Variants in PHACTR3 observed in about 807,000 individuals in gnomAD.
PHACTR3 encodes phosphatase and actin regulator 3, also known as protein phosphatase 1, regulatory subunit 123.
Under a neutral mutation model 66.8 loss-of-function variants are expected in PHACTR3, and 16 were observed. The ratio of observed to expected loss-of-function variants is 0.24; its 90% CI spans 0.16 to 0.36. The LOEUF is 0.36. PHACTR3 is among the 10% of genes least tolerant of loss of function. The probability of loss-of-function intolerance (pLI) is 1.00; values close to 1 mark genes in which losing one functional copy is unlikely to be tolerated. For missense variants in PHACTR3, 647 were observed against 719.9 expected, an observed-to-expected ratio of 0.90 and a Z score of 1.16; for synonymous variants, 323 against 292.1, an observed-to-expected ratio of 1.11 and a Z score of -1.08.
chr20:59,588,168 A>T (rs985946963), intron 1 of PHACTR3, among the ~76,000 whole-genome samples: 3 of 152,182 alleles, frequency 2.0e-5, no homozygotes, highest in African/African-American at 7.2e-5. Context: ...AGTAAAACAG[A>T]CAACCTCTCA....
chr20:59,756,951 CA>C (rs1337084875), intron 4 of PHACTR3, among the ~76,000 whole-genome samples: 1 of 152,156 alleles, frequency 6.6e-6, no homozygotes, highest in Non-Finnish European at 1.5e-5. Context: ...AACATTTTTG[CA>C]ATCTACTCAT....
rs118152790 is a variant in PHACTR3, at chr20:59,773,136, C to T, written c.752-143C>T. The T allele has an allele frequency of 9.7e-3, 8,749 of 898,536 alleles. 88 individuals carry two copies. Among genetic ancestry groups the T allele is most frequent in the South Asian group, 0.035 (2,163 of 61,408 alleles). The allele number at this position is 898,536 out of a possible 1,614,324, so 55.7% of individuals were successfully genotyped here. A position where few individuals can be genotyped will look rare whatever the true frequency, so the allele number is the denominator to read the frequency against. On this transcript the variant is annotated intron_variant, in intron 5 of 12. Coordinates refer to ENST00000371015, the MANE Select transcript of PHACTR3 (RefSeq NM_080672.5). ...CCTCTAGCTTTGGGAGCAGGGATCC[C>T]GGTCCAGCATCTTGGCATTAGTTGG...
intron 7 of PHACTR3, among the ~76,000 whole-genome samples, chr20:59,793,521 T>A (rs1300378626): frequency 1.3e-5 from 2 of 152,200 alleles, no homozygotes; most frequent in Non-Finnish European, 2.9e-5. Context: ...TTTATTCCCA[T>A]TTTACTTTTT....
At chr20:59,744,198 G>A (rs1295690350) in intron 2 of PHACTR3, among the ~76,000 whole-genome samples, 2 of 152,250 alleles carry the variant, frequency 1.3e-5, no homozygotes, top group Non-Finnish European at 2.9e-5. Context: ...CATCGGAAGG[G>A]ATGGGGAACA....
chr20:59,686,962 A>G (rs562692956), intron 1 of PHACTR3, among the ~76,000 whole-genome samples: 3,872 of 142,556 alleles, frequency 0.027, 86 homozygotes, highest in Middle Eastern at 0.058. Context: ...TGTGATGATG[A>G]TGGTGATTGT....
chr20:59,601,340 G>A (rs2033473739), upstream of PHACTR3, among the ~76,000 whole-genome samples: 1 of 152,232 alleles, frequency 6.6e-6, no homozygotes, highest in African/African-American at 2.4e-5. Context: ...CCTACAGTTA[G>A]GATGGACCAC....
chr20:59,742,767 G>A (rs1237920138), intron 1 of PHACTR3, among the ~76,000 whole-genome samples: 1 of 152,216 alleles, frequency 6.6e-6, no homozygotes, highest in Non-Finnish European at 1.5e-5. Context: ...AGGGAGAGCA[G>A]CGTGGGTGGA....
intron 1 of PHACTR3, among the ~76,000 whole-genome samples, chr20:59,654,705 G>A (rs1289788749): frequency 6.6e-6 from 1 of 152,068 alleles, no homozygotes; most frequent in Non-Finnish European, 1.5e-5. Flanking sequence ...ATATGGAAAA[G>A]TCACATCACT....
chr20:59,649,519 G>A (rs368962661), intron 1 of PHACTR3, among the ~76,000 whole-genome samples: 1 of 152,108 alleles, frequency 6.6e-6, no homozygotes, highest in African/African-American at 2.4e-5. Flanking sequence ...TATAAAGGAC[G>A]GTTGGAATTT....
chr20:59,623,987 T>C (rs2034358454), intron 1 of PHACTR3, among the ~76,000 whole-genome samples: 1 of 151,934 alleles, frequency 6.6e-6, no homozygotes, highest in South Asian at 2.1e-4. Context: ...CTGTTTTGGT[T>C]TCCCAAGAGA....
intron 1 of PHACTR3, among the ~76,000 whole-genome samples, chr20:59,669,701 C>T (rs1430748153): frequency 6.6e-6 from 1 of 152,232 alleles, no homozygotes; most frequent in African/African-American, 2.4e-5. Context: ...ATTCTGGACA[C>T]TTCATAGAAA....
intron 1 of PHACTR3, among the ~76,000 whole-genome samples, chr20:59,598,145 G>A (rs1376233743): frequency 3.9e-5 from 6 of 152,150 alleles, no homozygotes; most frequent in Admixed American, 3.9e-4. Flanking sequence ...CCTGTCGAAA[G>A]CCTCCCTGCC....
At chr20:59,628,576 TTC>T (rs752511406) in intron 1 of PHACTR3, 10 of 971,410 alleles carry the variant, frequency 1.0e-5, no homozygotes, top group Non-Finnish European at 1.2e-5. Context: ...GCGAGCCCTG[TTC>T]TCTCCCCGAG....
intron 1 of PHACTR3, among the ~76,000 whole-genome samples, chr20:59,686,424 C>T (rs566457449): frequency 4.6e-5 from 7 of 152,326 alleles, no homozygotes; most frequent in African/African-American, 1.4e-4. Flanking sequence ...AGTCCTGGAA[C>T]AGTGCCAATG....
intron 5 of PHACTR3, among the ~76,000 whole-genome samples, chr20:59,772,658 G>A (rs1228228046): frequency 6.6e-6 from 1 of 152,222 alleles, no homozygotes. Flanking sequence ...TGGAGATGCA[G>A]CTAGGGAGCC....
intron 1 of PHACTR3, among the ~76,000 whole-genome samples, chr20:59,711,124 T>A (rs925209600): frequency 4.6e-5 from 7 of 152,314 alleles, no homozygotes; most frequent in Non-Finnish European, 1.0e-4. Flanking sequence ...ATATAGCATG[T>A]GTCTTGAAAA....
intron 1 of PHACTR3, among the ~76,000 whole-genome samples, chr20:59,718,923 T>A (rs1371482099): frequency 6.6e-6 from 1 of 152,252 alleles, no homozygotes; most frequent in East Asian, 1.9e-4. Context: ...AGAAAGCGTC[T>A]CTGCTCCTCC....
At chr20:59,587,061 C>G (rs2033051984) in intron 1 of PHACTR3, among the ~76,000 whole-genome samples, 1 of 152,200 alleles carries the variant, frequency 6.6e-6, no homozygotes, top group Non-Finnish European at 1.5e-5. Context: ...CTCTGGCTGT[C>G]CTTGTGGGGT....
At chr20:59,812,394 C>T (rs1825537610) in intron 8 of PHACTR3, among the ~76,000 whole-genome samples, 1 of 152,234 alleles carries the variant, frequency 6.6e-6, no homozygotes, top group Admixed American at 6.5e-5. Context: ...GAACACGCTG[C>T]ACCCTCAGGT....
Sources: gnomAD v4.1 joint callset for allele counts (sites outside exome capture counted in the v4.1 genomes callset) on GRCh38, gnomAD v4.1.1 for gene constraint, MANE v1.5 for transcripts, NCBI Gene and HGNC (gene_info 2026-07-23, HGNC 2026-07-21) for gene names.